Variants in CSDE1 observed in about 807,000 individuals in gnomAD.
CSDE1 encodes the protein cold shock domain containing E1.
Under a neutral mutation model 89.3 loss-of-function variants are expected in CSDE1, and 17 were observed. The ratio of observed to expected loss-of-function variants is 0.19; its 90% confidence interval spans 0.13 to 0.29. The LOEUF (loss-of-function observed/expected upper bound fraction) is 0.29, where lower values mean the gene tolerates loss of function less well. Among genes scored for constraint, CSDE1 ranks in the 10% least tolerant of loss-of-function variants. CSDE1 has a pLI of 1.00. For synonymous variants in CSDE1, 322 were observed against 332.8 expected (o/e 0.97, Z 0.35); for missense variants, 672 against 984.2 (o/e 0.68, Z 4.24).
chr1:114,725,520 C>A (rs991595186), intron 14 of CSDE1, among the ~76,000 whole-genome samples, 187 bp from the exon 15 acceptor site: 3 of 152,190 alleles, frequency 2.0e-5, no homozygotes, highest in Non-Finnish European at 4.4e-5. Context: ...AACATTATCC[C>A]TAACTTCAGG....
intron 1 of CSDE1, chr1:114,756,744 C>T (rs1168598299): frequency 6.6e-6 from 1 of 152,222 alleles, no homozygotes; most frequent in East Asian, 1.9e-4. Flanking sequence ...TTCTTTTACT[C>T]ATTTAAGGTG....
chr1:114,721,689 G>A (rs754622647), intron 16 of CSDE1, among the ~76,000 whole-genome samples: 3 of 151,654 alleles, frequency 2.0e-5, no homozygotes, highest in Non-Finnish European at 2.9e-5. Context: ...TCCTGGGCTC[G>A]GGTGATCCTC....
chr1:114,718,855 A>G, intron 18 of CSDE1, 110 bp from the exon 19 acceptor site: 2 of 1,213,560 alleles, frequency 1.6e-6, no homozygotes, highest in Admixed American at 4.5e-5. Context: ...ACTTTTTATG[A>G]TGGGACTCTT....
chr1:114,724,303 A>G (rs912227604), intron 15 of CSDE1: 52 of 230,014 alleles, frequency 2.3e-4, no homozygotes, highest in Non-Finnish European at 4.1e-4. Context: ...CCAGGTGACC[A>G]TATGTCATTT....
Position 114,757,344 on chromosome 1 carries a change from A to T in CSDE1, c.-388+581T>A, listed in dbSNP as rs544703226. 2.5e-3 allele frequency among the ~76,000 whole-genome samples: 378 copies of T among 152,250 alleles called. 1 individual carries two copies. The highest frequency in any genetic ancestry group is 8.6e-3 in the African/African-American group (356 of 41,552). On this transcript the variant is annotated intron_variant, in intron 1 of 19. Transcript: ENST00000358528. ...GAGCAGGGTCTCAGTCTATACACAA[A>T]GAAGGCGCCACTGCCGCACTGCGCT...
In CSDE1 at chr1:114,719,713, A is replaced by G; in HGVS notation, c.2082T>C (p.Asp694=). The G allele has an allele frequency of 6.2e-7, 1 of 1,613,972 alleles. No individual in the cohort carries two copies. The highest frequency in any genetic ancestry group is 8.5e-7 in the Non-Finnish European group (1 of 1,179,964). Residue 694 remains aspartate, a synonymous_variant, in exon 18 of 20, where the codon GAT becomes GAC. Coordinates refer to ENST00000358528, the MANE Select transcript of CSDE1 (RefSeq NM_001007553.3). ...TCACATGGAAAAAGAGCTTCTTGCT[A>G]TCTCCTACTTCATAGTTAATGAAGC... ...QFGFINYEVG[D]SKKLFFHVKE...
rs1427457220 is a variant in CSDE1 at position 114,717,310 on chromosome 1, T to A, written c.*859A>T. ...AGATTCATTTCAGGCACAACTTTTTTATTTTTTTTTGTTTTGTTTTTAAAT... is the reference window on the plus strand; with the variant it reads ...AGATTCATTTCAGGCACAACTTTTTAATTTTTTTTTGTTTTGTTTTTAAAT... On this transcript the variant is annotated 3_prime_UTR_variant, in exon 20 of 20. Coordinates refer to ENST00000358528, the MANE Select transcript of CSDE1 (RefSeq NM_001007553.3). The A allele has an allele frequency of 3.9e-5, 6 of 152,492 alleles. No individual in the cohort carries two copies. The highest frequency in any genetic ancestry group is 1.2e-4 in the African/African-American group (5 of 41,318). 9.4% of individuals were successfully genotyped at this position (152,492 alleles called of 1,614,324 possible).
intron 1 of CSDE1, among the ~76,000 whole-genome samples, chr1:114,752,826 A>G (rs1167623801): frequency 6.6e-6 from 1 of 152,208 alleles, no homozygotes; most frequent in African/African-American, 2.4e-5. Flanking sequence ...CAATTTCTGT[A>G]CTTTGTTTAC....
chr1:114,720,569 G>A lies in CSDE1; in HGVS notation c.2022C>T (p.Arg674=), dbSNP rs767454858. 3.1e-6 allele frequency: 5 copies of A among 1,614,002 alleles called. No homozygotes were observed. Among genetic ancestry groups the A allele is most frequent in the Non-Finnish European group, 4.2e-6 (5 of 1,180,018 alleles). The change falls in exon 17 of 20, where the codon CGC becomes CGT. Residue 674 remains arginine (R), a synonymous_variant. Coordinates refer to ENST00000358528, the MANE Select transcript of CSDE1 (RefSeq NM_001007553.3). ...CTTTCACACATTCCACTGTGGCCCTGCGCAGGGGTGTGATGTTGTAAGCCA... is the reference window on the plus strand; with the variant it reads ...CTTTCACACATTCCACTGTGGCCCTACGCAGGGGTGTGATGTTGTAAGCCA... ...QTMAYNITPL[R]RATVECVKDQ...
Position 114,718,632 on chromosome 1 carries a change from C to T in CSDE1, c.2330G>A (p.Arg777Lys). 1 of 1,614,136 alleles carries T rather than the reference C, an allele frequency of 6.2e-7. No individual in the cohort carries two copies. Among genetic ancestry groups the T allele is most frequent in the South Asian group, 1.1e-5 (1 of 91,078 alleles). The change falls in exon 19 of 20, where the codon AGG becomes AAG. Residue 777 changes from arginine to lysine, a missense_variant. By Grantham distance (26) the Arg-to-Lys change is conservative. Coordinates refer to ENST00000358528, the MANE Select transcript of CSDE1 (RefSeq NM_001007553.3). The stretch of plus-strand genomic sequence containing the variant: ...TCATACCATTGAGTTATCTGGTCCC[C>T]TTGGCTGACGAAGAACCATTAGGCG... ...APRLMVLRQP[R>K]GPDNSMGFGA...
At chr1:114,757,696 G>A (rs1661690579) in intron 1 of CSDE1, among the ~76,000 whole-genome samples, 1 of 152,004 alleles carries the variant, frequency 6.6e-6, no homozygotes, top group South Asian at 2.1e-4. Flanking sequence ...CGCGCAGCCG[G>A]CTGGCCTCAA....
At chr1:114,732,099 C>T (rs542098116) in intron 10 of CSDE1, among the ~76,000 whole-genome samples, 3 of 152,124 alleles carry the variant, frequency 2.0e-5, no homozygotes, top group Admixed American at 1.3e-4. Context: ...CAGGTGTGAG[C>T]CACCGTGCCT....
chr1:114,733,466 C>T (rs988836910), intron 9 of CSDE1, among the ~76,000 whole-genome samples: 1 of 147,792 alleles, frequency 6.8e-6, no homozygotes, highest in African/African-American at 2.5e-5. Flanking sequence ...GCGGAGGTTG[C>T]AGTGAGCCGA....
At chr1:114,747,395 T>A (rs1438445515) in intron 2 of CSDE1, among the ~76,000 whole-genome samples, 5 of 152,212 alleles carry the variant, frequency 3.3e-5, no homozygotes, top group African/African-American at 1.2e-4. Context: ...TCATCCCAAT[T>A]GTGGTTTCTT....
rs1165177335 is a variant in CSDE1 at position 114,719,662 on chromosome 1, T to G, written c.2133A>C (p.Leu711=). The part of the protein sequence containing the change: ...HVKEVQDGIE[L]QAGDEVEFSV... Reference sequence around the variant, plus strand: ...AGAACTCCACCTCATCTCCTGCCTGTAGCTCAATGCCATCCTGAACTTCTT... The same window carrying G: ...AGAACTCCACCTCATCTCCTGCCTGGAGCTCAATGCCATCCTGAACTTCTT... Residue 711 remains leucine (L), a synonymous_variant, in exon 18 of 20, where the codon CTA becomes CTC. Transcript: ENST00000358528. 6.2e-7 allele frequency: 1 copy of G among 1,614,118 alleles called. No individual in the cohort carries two copies.
At chr1:114,741,460 T>C (rs370531821) in intron 2 of CSDE1, 1 of 1,370,574 alleles carries the variant, frequency 7.3e-7, no homozygotes, top group Admixed American at 2.9e-5. Context: ...CCAGAATGAG[T>C]GGCAATCCTA....
At chr1:114,736,534 G>A (rs1660412370) in intron 6 of CSDE1, among the ~76,000 whole-genome samples, 1 of 151,960 alleles carries the variant, frequency 6.6e-6, no homozygotes, top group Non-Finnish European at 1.5e-5. Context: ...TCTAGAACAA[G>A]TCCTTAAAAT....
At chr1:114,732,921 TCCCTG>T in intron 9 of CSDE1, 105 bp from the exon 10 acceptor site, 1 of 966,190 alleles carries the variant, frequency 1.0e-6, no homozygotes, top group Admixed American at 2.4e-5. Flanking sequence ...TTAACTTAGT[TCCCTG>T]AAGCGAAAAA....
intron 2 of CSDE1, among the ~76,000 whole-genome samples, 193 bp downstream of exon 2, chr1:114,749,628 A>G (rs1661199774): frequency 6.6e-6 from 1 of 152,262 alleles, no homozygotes; most frequent in Admixed American, 6.5e-5. Flanking sequence ...ATAATCTGGT[A>G]TGAAAAATGT....
Sources: gnomAD v4.1 joint callset for allele counts (sites outside exome capture counted in the v4.1 genomes callset) on GRCh38, gnomAD v4.1.1 for gene constraint, MANE v1.5 for transcripts, NCBI Gene and HGNC (gene_info 2026-07-23, HGNC 2026-07-21) for gene names.